Variants in ANKRD24 observed in about 807,000 individuals in gnomAD.
ANKRD24 encodes the protein ankyrin repeat domain 24, also known as ankyrin repeat domain-containing protein 24.
A neutral mutation model predicts 127.8 loss-of-function variants in ANKRD24; 109 were observed. The observed-to-expected ratio is 0.85, with a 90% confidence interval of 0.73 to 1.00. The LOEUF (loss-of-function observed/expected upper bound fraction) is 1.00, where lower values mean the gene tolerates loss of function less well. Ranked by LOEUF, ANKRD24 falls within the 50% of genes least tolerant of loss-of-function variation. The pLI, the probability that ANKRD24 is intolerant of heterozygous loss-of-function variation, is 0.00. For missense variants in ANKRD24, 1,648 were observed against 1,570.2 expected (o/e 1.05, Z -0.84); for synonymous variants, 743 against 671.1 (o/e 1.11, Z -1.66).
chr19:4,184,752 G>A (rs897691483), intron 1 of ANKRD24, among the ~76,000 whole-genome samples: 4 of 152,322 alleles, frequency 2.6e-5, no homozygotes, highest in African/African-American at 9.6e-5. Context: ...AATGGGCACC[G>A]GTGGAGGGGT....
chr19:4,203,704 T>C (rs1599425899), intron 7 of ANKRD24, among the ~76,000 whole-genome samples: 1 of 151,816 alleles, frequency 6.6e-6, no homozygotes, highest in African/African-American at 2.4e-5. Flanking sequence ...TGGAGTGCAA[T>C]GGCGCAATCT....
chr19:4,202,184 G>A, intron 6 of ANKRD24, 94 bp downstream of exon 6: 1 of 1,207,682 alleles, frequency 8.3e-7, no homozygotes, highest in African/African-American at 1.5e-5. Flanking sequence ...ATGAATCCTA[G>A]ATATTCCTTG....
At chr19:4,187,448 G>A (rs888902816) in intron 2 of ANKRD24, among the ~76,000 whole-genome samples, 1 of 151,992 alleles carries the variant, frequency 6.6e-6, no homozygotes, top group African/African-American at 2.4e-5. Context: ...GAAGGGGAGT[G>A]GGGGAGAGAG....
chr19:4,188,069 T>TTTTTA (rs1019248652), intron 2 of ANKRD24, among the ~76,000 whole-genome samples: 16 of 152,094 alleles, frequency 1.1e-4, no homozygotes, highest in African/African-American at 3.1e-4. Flanking sequence ...TGGATTTCAT[T>TTTTTA]TTTTATTTTA....
At chr19:4,214,127 C>T (rs1285477665) in intron 15 of ANKRD24, among the ~76,000 whole-genome samples, 2 of 152,156 alleles carry the variant, frequency 1.3e-5, no homozygotes, top group South Asian at 2.1e-4. Context: ...TGCAGTCACA[C>T]ACAGACAACA....
intron 2 of ANKRD24, among the ~76,000 whole-genome samples, chr19:4,190,327 CG>C (rs1968314442): frequency 6.6e-6 from 1 of 151,370 alleles, no homozygotes; most frequent in South Asian, 2.1e-4. Context: ...CCCAGCTACT[CG>C]GGAGGCTGAG....
intron 2 of ANKRD24, among the ~76,000 whole-genome samples, chr19:4,191,233 C>T (rs946211860): frequency 5.9e-5 from 9 of 152,120 alleles, no homozygotes; most frequent in African/African-American, 1.2e-4. Context: ...TCTCCAGTTT[C>T]GCAGCAGGCA....
intron 12 of ANKRD24, 56 bp from the exon 13 acceptor site, chr19:4,210,209 C>T (rs1470365389): frequency 1.9e-6 from 3 of 1,561,902 alleles, no homozygotes; most frequent in Non-Finnish European, 2.6e-6. Context: ...CTGGCTGAGA[C>T]CTGGGATGGG....
intron 13 of ANKRD24, among the ~76,000 whole-genome samples, chr19:4,211,656 CACA>C (rs1358208511): frequency 6.6e-6 from 1 of 151,572 alleles, no homozygotes; most frequent in Non-Finnish European, 1.5e-5. Context: ...CAACAACAAC[CACA>C]ACAACAACAA....
chr19:4,187,309 A>G (rs927852474), intron 2 of ANKRD24, among the ~76,000 whole-genome samples: 1 of 152,098 alleles, frequency 6.6e-6, no homozygotes, highest in African/African-American at 2.4e-5. Flanking sequence ...GCTACTTGGG[A>G]GGCTGAGGCA....
rs984963551 is a variant in ANKRD24, at chr19:4,183,856, G to A, written c.-37+1116G>A. ...CAGGAGGCGGAGATTGCGGTGAGCC[G>A]GAGATCGCGCCATTGCACTCCAGCC... is the stretch of plus-strand genomic sequence containing the variant. On this transcript the variant is annotated intron_variant, in intron 1 of 21. Coordinates refer to ENST00000318934, the MANE Select transcript of ANKRD24 (RefSeq NM_001393985.1). Among the ~76,000 whole-genome samples, 7 of 152,174 alleles carry A rather than the reference G, an allele frequency of 4.6e-5. No individual in the cohort carries two copies. The East Asian group carries it at 5.8e-4, about 13-fold the overall frequency.
intron 2 of ANKRD24, 95 bp downstream of exon 2, chr19:4,186,556 C>G (rs1243230602): frequency 7.4e-7 from 1 of 1,360,358 alleles, no homozygotes; most frequent in Non-Finnish European, 1.0e-6. Context: ...CATTCCAGTA[C>G]CCACCTCTTC....
In ANKRD24 at chr19:4,199,451, A is replaced by G; in HGVS notation, c.37-232A>G. ...TGTCTCAAACTCCTAGGCTCAAGCG[A>G]TCCTCCCACCTTGGCCTCCCCAGAT... On this transcript the variant is annotated intron_variant, in intron 2 of 21. Coordinates refer to ENST00000318934, the MANE Select transcript of ANKRD24 (RefSeq NM_001393985.1). This position sits in a 1 kb window ranked among gnomAD's most constrained non-coding sequence, Gnocchi z 5.2. The G allele has an allele frequency of 9.3e-6, 9 of 965,202 alleles. No individual in the cohort carries two copies. The highest frequency in any genetic ancestry group is 1.1e-5 in the Non-Finnish European group (9 of 811,528). 59.8% of individuals were successfully genotyped at this position (965,202 alleles called of 1,614,324 possible). A position where few individuals can be genotyped will look rare whatever the true frequency, so the allele number is the denominator to read the frequency against.
In ANKRD24 at chr19:4,217,246, G is replaced by C; in HGVS notation, c.2086G>C (p.Gly696Arg). 6.3e-7 allele frequency: 1 copy of C among 1,591,484 alleles called. No homozygotes were observed. Among genetic ancestry groups the C allele is most frequent in the African/African-American group, 1.3e-5 (1 of 74,548 alleles). ...GVSATGVENP[G>R]VEATVPGISA... is the part of the protein sequence containing the mutation. ...CAGTGCCACAGGTGTGGAGAACCCA[G>C]GGGTAGAGGCCACGGTCCCGGGGAT... is the stretch of plus-strand genomic sequence containing the variant. Residue 696 changes from glycine to arginine, a missense_variant, in exon 18 of 22, where the codon GGG becomes CGG. Physicochemically the swap from Gly to Arg is moderately radical, Grantham distance 125 (BLOSUM62 -2). Coordinates refer to ENST00000318934, the MANE Select transcript of ANKRD24 (RefSeq NM_001393985.1).
In ANKRD24 at chr19:4,218,170, A is replaced by G; in HGVS notation, c.3003+7A>G. On this transcript the variant is annotated splice_region_variant and intron_variant, in intron 18 of 21. Transcript: ENST00000318934. ...CAGCGCAGAGGTCTTCCAGGTGAGC[A>G]GGGCTGGTCACCACCCGGGCCCCAC... is the stretch of plus-strand genomic sequence containing the variant. The G allele has an allele frequency of 6.8e-7, 1 of 1,465,104 alleles. No homozygotes were observed. The highest frequency in any genetic ancestry group is 9.0e-7 in the Non-Finnish European group (1 of 1,106,184). 90.8% of individuals were successfully genotyped at this position (1,465,104 alleles called of 1,614,324 possible). A position where few individuals can be genotyped will look rare whatever the true frequency, so the allele number is the denominator to read the frequency against.
intron 2 of ANKRD24, among the ~76,000 whole-genome samples, chr19:4,188,378 ATTTT>A (rs34131628): frequency 7.2e-5 from 6 of 83,592 alleles, no homozygotes; most frequent in East Asian, 3.2e-4. Flanking sequence ...CGCTTGGTCC[ATTTT>A]TTTTTTTTTT....
intron 19 of ANKRD24, 112 bp from the exon 20 acceptor site, chr19:4,222,558 C>A: frequency 7.6e-7 from 1 of 1,309,882 alleles, no homozygotes; most frequent in Non-Finnish European, 1.0e-6. Flanking sequence ...ACCCCAGGGA[C>A]GGGACCTTCC....
At position 4,195,927 on chromosome 19, in the gene ANKRD24, C is replaced by T. The variant is rs1490678477; in HGVS notation, c.37-3756C>T. ...AAAAGTAAAAGTCTAAGAATAATCA[C>T]GGACCACACCGACGTGTAAATGCTC... On this transcript the variant is annotated intron_variant, in intron 2 of 21. Coordinates refer to ENST00000318934, the MANE Select transcript of ANKRD24 (RefSeq NM_001393985.1). The surrounding 1 kb of genome is among the most constrained non-coding windows in gnomAD (Gnocchi z 4.2). Among the ~76,000 whole-genome samples, 1 of 152,164 alleles carries T rather than the reference C, an allele frequency of 6.6e-6. No homozygotes were observed. Among genetic ancestry groups the T allele is most frequent in the Non-Finnish European group, 1.5e-5 (1 of 68,026 alleles).
intron 1 of ANKRD24, chr19:4,183,226 C>T (rs1007572714): frequency 3.7e-6 from 3 of 811,134 alleles, no homozygotes; most frequent in African/African-American, 3.7e-5. Flanking sequence ...GTGATCTGAC[C>T]GCCTCGGCCT....
Sources: gnomAD v4.1 joint callset for allele counts (sites outside exome capture counted in the v4.1 genomes callset) on GRCh38, gnomAD v4.1.1 for gene constraint, Gnocchi (gnomAD v3.1) non-coding constraint, MANE v1.5 for transcripts, NCBI Gene and HGNC (gene_info 2026-07-23, HGNC 2026-07-21) for gene names.